CCDC22: variants seen among roughly 807,000 people sequenced by gnomAD.
CCDC22 encodes coiled-coil domain-containing protein 22.
CCDC22 carries 4 observed loss-of-function variants against 53.1 expected under a neutral mutation model. The ratio of observed to expected loss-of-function variants is 0.08; its 90% confidence interval spans 0.04 to 0.17. CCDC22 has a LOEUF of 0.17. Among genes scored for constraint, CCDC22 ranks in the 10% least tolerant of loss-of-function variants. The pLI, the probability that CCDC22 is intolerant of heterozygous loss-of-function variation, is 1.00. For synonymous variants in CCDC22, 222 were observed against 224.4 expected, an observed-to-expected ratio of 0.99 and a Z score of 0.10; for missense variants, 458 against 554.0, an observed-to-expected ratio of 0.83 and a Z score of 1.74.
chrX:49,249,434 A>T, intron 14 of CCDC22, 75 bp from the exon 15 acceptor site: 2 of 1,001,144 alleles, frequency 2.0e-6, no homozygotes, highest in East Asian at 3.0e-5. Context: ...GTGGTGGGAG[A>T]GGGTGGCCTT....
intron 2 of CCDC22, among the ~76,000 whole-genome samples, chrX:49,241,568 G>A (rs978719950): frequency 4.6e-5 from 5 of 109,334 alleles, no homozygotes; most frequent in African/African-American, 1.7e-4. Context: ...ACCCTCATGA[G>A]TCCTTTTGTT....
intron 14 of CCDC22, 79 bp from the exon 15 acceptor site, chrX:49,249,430 G>A: frequency 1.0e-6 from 1 of 987,945 alleles, no homozygotes; most frequent in Non-Finnish European, 1.4e-6. Flanking sequence ...TGGGGTGGTG[G>A]GAGAGGGTGG....
rs1204203581 is a variant in CCDC22 at position 49,248,684 on chromosome X, C to T, written c.1381C>T (p.Arg461Trp). ...GATCCAAGAACTGCACCAGAGTGTCCGGGCGGCTGCTGAAGAGGCCCGCAG... is the reference window on the plus strand; with the variant it reads ...GATCCAAGAACTGCACCAGAGTGTCTGGGCGGCTGCTGAAGAGGCCCGCAG... Reference protein sequence around the residue: ...AEIQELHQSVRAAAEEARRKE... With the variant: ...AEIQELHQSVWAAAEEARRKE... Residue 461 changes from arginine (R) to tryptophan (W), a missense_variant, in exon 12 of 17, where the codon CGG (arginine) becomes TGG (tryptophan). Coordinates refer to ENST00000376227, the MANE Select transcript of CCDC22 (RefSeq NM_014008.5). 1.6e-5 allele frequency: 19 copies of T among 1,208,515 alleles called. No individual in the cohort carries two copies. Among genetic ancestry groups the T allele is most frequent in the Admixed American group, 4.4e-5 (2 of 45,628 alleles).
chrX:49,244,467 C>A (rs1358298934), intron 6 of CCDC22, among the ~76,000 whole-genome samples: 3 of 110,629 alleles, frequency 2.7e-5, no homozygotes, highest in Non-Finnish European at 5.7e-5. Context: ...TATCTGTTGC[C>A]CCTTCCCTCT....
At chrX:49,247,850 G>T (rs1244322681) in intron 9 of CCDC22, 82 bp downstream of exon 9, 2 of 1,105,802 alleles carry the variant, frequency 1.8e-6, no homozygotes, top group East Asian at 6.1e-5. Context: ...GGGGCAAGAG[G>T]TGCTCTGTAG....
intron 2 of CCDC22, among the ~76,000 whole-genome samples, chrX:49,238,281 A>G (rs2065947893): frequency 9.1e-6 from 1 of 110,089 alleles, no homozygotes; most frequent in African/African-American, 3.3e-5. Flanking sequence ...GGGTTTCACT[A>G]TGTTGGCTAG....
intron 2 of CCDC22, among the ~76,000 whole-genome samples, chrX:49,240,923 C>T (rs2065960582): frequency 8.9e-6 from 1 of 112,460 alleles, no homozygotes; most frequent in African/African-American, 3.2e-5. Flanking sequence ...CCAGTATACT[C>T]CTAAGTATAG....
Position 49,249,432 on chromosome X carries a change from A to C in CCDC22, c.1636-77A>C, listed in dbSNP as rs1949341786. On this transcript the variant is annotated intron_variant, in intron 14 of 16. Coordinates refer to ENST00000376227, the MANE Select transcript of CCDC22 (RefSeq NM_014008.5). ...AGGATGAAGCTAGTGGGGTGGTGGGAGAGGGTGGCCTTCTTAGGGCATGGA... is the reference window on the plus strand; with the variant it reads ...AGGATGAAGCTAGTGGGGTGGTGGGCGAGGGTGGCCTTCTTAGGGCATGGA... 1.1e-5 allele frequency: 11 copies of C among 993,591 alleles called. No individual in the cohort carries two copies. In the South Asian group the frequency reaches 2.1e-4, roughly 19 times the overall value. 81.9% of individuals were successfully genotyped at this position (993,591 alleles called of 1,213,427 possible). A position where few individuals can be genotyped will look rare whatever the true frequency, so the allele number is the denominator to read the frequency against.
In CCDC22 at chrX:49,248,207, G is replaced by A. The variant is rs201486682; in HGVS notation, c.1109G>A (p.Arg370Gln). Reference sequence around the variant, plus strand: ...ACCGGCCAGGCAGAGTCTGAGTGCCGGCACAGCAAGCTCAGTACAGCAGAG... The same window carrying A: ...ACCGGCCAGGCAGAGTCTGAGTGCCAGCACAGCAAGCTCAGTACAGCAGAG... ...VSFVQAESEC[R>Q]HSKLSTAERE... The change falls in exon 10 of 17, where the codon CGG becomes CAG. Residue 370 changes from arginine to glutamine, a missense_variant. Physicochemically the swap from Arg to Gln is conservative, Grantham distance 43. This residue lies in a region of CCDC22 where 309 missense variants were observed against 312.3 expected (regional missense o/e 0.99). Coordinates refer to ENST00000376227, the MANE Select transcript of CCDC22 (RefSeq NM_014008.5). 132 of 1,201,705 alleles carry A rather than the reference G, an allele frequency of 1.1e-4. No individual in the cohort carries two copies. Among genetic ancestry groups the A allele is most frequent in the Non-Finnish European group, 1.2e-4 (111 of 894,913 alleles).
At position 49,243,789 on chromosome X, in the gene CCDC22, T is replaced by C. The variant is rs144374607; in HGVS notation, c.714+327T>C. On this transcript the variant is annotated intron_variant, in intron 6 of 16. Coordinates refer to ENST00000376227, the MANE Select transcript of CCDC22 (RefSeq NM_014008.5). Reference sequence around the variant, plus strand: ...CCAGATTGGCTACCTGCCTTCATCATTCATTAATTCATTCATTCATTTGGA... The same window carrying C: ...CCAGATTGGCTACCTGCCTTCATCACTCATTAATTCATTCATTCATTTGGA... Among the ~76,000 whole-genome samples the C allele has an allele frequency of 8.9e-3, 997 of 112,369 alleles. 8 individuals carry two copies. Among genetic ancestry groups the C allele is most frequent in the South Asian group, 0.019 (52 of 2,697 alleles).
Position 49,248,664 on chromosome X carries a change from A to C in CCDC22, c.1361A>C (p.Gln454Pro). 8.3e-7 allele frequency: 1 copy of C among 1,210,976 alleles called. No individual in the cohort carries two copies. Among genetic ancestry groups the C allele is most frequent in the Non-Finnish European group, 1.1e-6 (1 of 895,248 alleles). ...LESSRRLAEI[Q>P]ELHQSVRAAA... Reference sequence around the variant, plus strand: ...TCTTCTCGACGGCTGGCAGAGATCCAAGAACTGCACCAGAGTGTCCGGGCG... The same window carrying C: ...TCTTCTCGACGGCTGGCAGAGATCCCAGAACTGCACCAGAGTGTCCGGGCG... Residue 454 changes from glutamine (Q) to proline (P), a missense_variant, in exon 12 of 17, where the codon CAA becomes CCA. Physicochemically the swap from Gln to Pro is moderately conservative, Grantham distance 76. This residue lies in a region of CCDC22 where 309 missense variants were observed against 312.3 expected (regional missense o/e 0.99). Transcript: ENST00000376227.
At chrX:49,249,032 C>T in intron 13 of CCDC22, 108 bp downstream of exon 13, 2 of 1,130,336 alleles carry the variant, frequency 1.8e-6, no homozygotes, top group East Asian at 6.3e-5. Context: ...CACTCTAACA[C>T]AGAATAGTCA....
rs782242726 is a variant in CCDC22 at position 49,246,637 on chromosome X, G to T, written c.715-94G>T. 1.4e-5 allele frequency: 11 copies of T among 791,650 alleles called. No homozygotes were observed. In the East Asian group the frequency reaches 3.6e-4, roughly 26 times the overall value. 65.2% of individuals were successfully genotyped at this position (791,650 alleles called of 1,213,427 possible). On this transcript the variant is annotated intron_variant, in intron 6 of 16. Coordinates refer to ENST00000376227, the MANE Select transcript of CCDC22 (RefSeq NM_014008.5). The stretch of plus-strand genomic sequence containing the variant: ...GCTGGAGGGTGGGGGTGACTTGTCA[G>T]TATACTCTTGTCAGGGGGTCCTTGG...
At chrX:49,240,593 C>T (rs1157021321) in intron 2 of CCDC22, among the ~76,000 whole-genome samples, 1 of 111,752 alleles carries the variant, frequency 8.9e-6, no homozygotes, top group Non-Finnish European at 1.9e-5. Context: ...TTGTCTGGCC[C>T]CCAGCAGCCT....
At chrX:49,242,825 G>A (rs2065970464) in intron 3 of CCDC22, 61 bp from the exon 4 acceptor site, 2 of 733,346 alleles carry the variant, frequency 2.7e-6, no homozygotes, top group Non-Finnish European at 3.9e-6. Context: ...GGTCTCCTAG[G>A]GTATGCCCTT....
intron 6 of CCDC22, among the ~76,000 whole-genome samples, chrX:49,243,890 G>C (rs1489053315): frequency 1.8e-5 from 2 of 112,483 alleles, no homozygotes; most frequent in East Asian, 5.6e-4. Flanking sequence ...CCGGGTTCAA[G>C]CGATTCTCCT....
At chrX:49,248,590 C>T (rs782686417) in intron 11 of CCDC22, 43 bp from the exon 12 acceptor site, 2 of 1,201,202 alleles carry the variant, frequency 1.7e-6, no homozygotes, top group East Asian at 5.9e-5. Flanking sequence ...GGGGGCCATC[C>T]CTATGCTCTG....
chrX:49,248,042 G>A, intron 9 of CCDC22, 149 bp from the exon 10 acceptor site: 1 of 1,055,022 alleles, frequency 9.5e-7, no homozygotes, highest in Non-Finnish European at 1.3e-6. Context: ...GGTACCCACG[G>A]GTCTGCATGG....
chrX:49,250,059 G>C, intron 16 of CCDC22, 89 bp from the exon 17 acceptor site: 3 of 554,343 alleles, frequency 5.4e-6, no homozygotes, highest in Non-Finnish European at 9.3e-6. Context: ...TGGTGGGAGG[G>C]GCCCAGAGTG....
Sources: gnomAD v4.1 joint callset for allele counts (sites outside exome capture counted in the v4.1 genomes callset) on GRCh38, gnomAD v4.1.1 for gene constraint, gnomAD v4.1.1 regional missense constraint, MANE v1.5 for transcripts, NCBI Gene and HGNC (gene_info 2026-07-23, HGNC 2026-07-21) for gene names.